The following KCNJ3 variants were observed in gnomAD, a reference collection of about 807,000 sequenced individuals.
The protein encoded by KCNJ3 is G protein-activated inward rectifier potassium channel 1.
In KCNJ3, 4 loss-of-function variants were observed where a neutral mutation model predicts 39.2. The observed-to-expected ratio is 0.10, with a 90% CI of 0.05 to 0.23. The LOEUF (loss-of-function observed/expected upper bound fraction) is 0.23, where lower values mean the gene tolerates loss of function less well. Ranked by LOEUF, KCNJ3 falls within the 10% of genes least tolerant of loss-of-function variation. The pLI is 1.00. For synonymous variants in KCNJ3, 230 were observed against 237.4 expected (o/e 0.97, Z 0.29); for missense variants, 276 against 634.9 (o/e 0.43, Z 6.08).
chr2:154,811,819 G>A (rs1687012384), intron 2 of KCNJ3, among the ~76,000 whole-genome samples: 3 of 152,110 alleles, frequency 2.0e-5, no homozygotes, highest in Admixed American at 1.3e-4. Context: ...AGCAGAGATG[G>A]GTGGTATTTT....
chr2:154,800,131 A>T (rs1233721780), intron 2 of KCNJ3, among the ~76,000 whole-genome samples: 1 of 152,104 alleles, frequency 6.6e-6, no homozygotes, highest in Non-Finnish European at 1.5e-5. Context: ...CAAGATGTAC[A>T]TGTTGGTCCA....
chr2:154,809,012 C>T (rs1225552136), intron 2 of KCNJ3, among the ~76,000 whole-genome samples: 2 of 152,144 alleles, frequency 1.3e-5, no homozygotes, highest in Non-Finnish European at 2.9e-5. Context: ...GGAAAAAGGT[C>T]TGGAAAGCTA....
At chr2:154,700,476 T>A (rs1356010170) in intron 1 of KCNJ3, among the ~76,000 whole-genome samples, 1 of 152,208 alleles carries the variant, frequency 6.6e-6, no homozygotes, top group Non-Finnish European at 1.5e-5. Flanking sequence ...GAGGGATTTG[T>A]CTTAGTAGTT....
At chr2:154,854,669 G>A (rs1463075140) in intron 2 of KCNJ3, 58 bp from the exon 3 acceptor site, 7 of 1,306,474 alleles carry the variant, frequency 5.4e-6, no homozygotes, top group Non-Finnish European at 7.5e-6. Flanking sequence ...AGGCCAAACC[G>A]GCTTTACATG....
At chr2:154,850,246 C>T (rs76416475) in intron 2 of KCNJ3, among the ~76,000 whole-genome samples, 8,023 of 151,636 alleles carry the variant, frequency 0.053, 265 homozygotes, top group South Asian at 0.1. Flanking sequence ...TAATAGTAGT[C>T]ACTTGCATTT....
chr2:154,712,134 C>T (rs896847434), intron 2 of KCNJ3, among the ~76,000 whole-genome samples: 2 of 152,076 alleles, frequency 1.3e-5, no homozygotes, highest in African/African-American at 2.4e-5. Context: ...TGTGTGTATG[C>T]CCTAACTAAT....
At chr2:154,817,946 T>C (rs987597762) in intron 2 of KCNJ3, among the ~76,000 whole-genome samples, 10 of 146,368 alleles carry the variant, frequency 6.8e-5, no homozygotes, top group African/African-American at 2.2e-4. Context: ...TATTTATTAA[T>C]CAAATAAGAA....
chr2:154,757,262 G>A (rs919072963), intron 2 of KCNJ3, among the ~76,000 whole-genome samples: 10 of 152,058 alleles, frequency 6.6e-5, no homozygotes, highest in African/African-American at 2.4e-4. Flanking sequence ...AGCAACTAAG[G>A]AAAGCTGCTG....
chr2:154,847,627 T>C (rs1687682953), intron 2 of KCNJ3, among the ~76,000 whole-genome samples: 1 of 152,068 alleles, frequency 6.6e-6, no homozygotes, highest in Non-Finnish European at 1.5e-5. Context: ...ATGAAAGTTG[T>C]AGTCATATAG....
At chr2:154,833,518 T>A (rs887468254) in intron 2 of KCNJ3, among the ~76,000 whole-genome samples, 1 of 152,214 alleles carries the variant, frequency 6.6e-6, no homozygotes, top group Non-Finnish European at 1.5e-5. Context: ...ACATCTGTTA[T>A]AATCAATGAA....
At chr2:154,835,997 G>A (rs1687452392) in intron 2 of KCNJ3, among the ~76,000 whole-genome samples, 1 of 152,050 alleles carries the variant, frequency 6.6e-6, no homozygotes, top group Admixed American at 6.6e-5. Flanking sequence ...GGTCACCTGA[G>A]GTTAGGAGTT....
chr2:154,823,615 T>G (rs890874242), intron 2 of KCNJ3, among the ~76,000 whole-genome samples: 4 of 152,170 alleles, frequency 2.6e-5, no homozygotes, highest in African/African-American at 9.7e-5. Context: ...CAATTCCTTG[T>G]TTTTTATTCC....
chr2:154,794,559 G>T (rs1265289880), intron 2 of KCNJ3, among the ~76,000 whole-genome samples: 1 of 151,928 alleles, frequency 6.6e-6, no homozygotes, highest in Non-Finnish European at 1.5e-5. Context: ...AGAGATCCAG[G>T]AATAAATATA....
At chr2:154,771,528 A>G (rs1304559707) in intron 2 of KCNJ3, among the ~76,000 whole-genome samples, 1 of 152,142 alleles carries the variant, frequency 6.6e-6, no homozygotes, top group Non-Finnish European at 1.5e-5. Flanking sequence ...CTACTGAAGT[A>G]GGGTAGCTAA....
chr2:154,730,865 TA>T (rs1242889371), intron 2 of KCNJ3, among the ~76,000 whole-genome samples: 2 of 152,100 alleles, frequency 1.3e-5, no homozygotes, highest in Non-Finnish European at 2.9e-5. Context: ...CACCCTGCAC[TA>T]ACCTATAATT....
At chr2:154,851,098 C>T (rs1474903124) in intron 2 of KCNJ3, among the ~76,000 whole-genome samples, 1 of 151,786 alleles carries the variant, frequency 6.6e-6, no homozygotes, top group East Asian at 1.9e-4. Context: ...GAAAATTAGC[C>T]AGACTTGGTG....
intron 2 of KCNJ3, among the ~76,000 whole-genome samples, chr2:154,760,731 T>TC (rs1558866955): frequency 1.7e-5 from 2 of 119,710 alleles, no homozygotes; most frequent in Admixed American, 7.8e-5. Flanking sequence ...TTTTTCTTTT[T>TC]TTTCTTTTTT....
intron 2 of KCNJ3, among the ~76,000 whole-genome samples, chr2:154,830,507 C>A (rs78852842): frequency 6.6e-6 from 1 of 152,094 alleles, no homozygotes; most frequent in Non-Finnish European, 1.5e-5. Context: ...CATTAAGATG[C>A]GCTTCGTGTG....
At chr2:154,844,618 C>T (rs1353453464) in intron 2 of KCNJ3, among the ~76,000 whole-genome samples, 4 of 152,172 alleles carry the variant, frequency 2.6e-5, no homozygotes, top group South Asian at 2.1e-4. Flanking sequence ...TCAAGCTTCC[C>T]GGTCGCTTTG....
Sources: allele counts gnomAD v4.1 joint callset (sites outside exome capture counted in the v4.1 genomes callset), GRCh38; gene constraint gnomAD v4.1.1; transcripts MANE v1.5; gene names NCBI Gene and HGNC (gene_info 2026-07-23, HGNC 2026-07-21).